The following TOM1L2 variants were observed in gnomAD, a reference collection of about 807,000 sequenced individuals.
TOM1L2 encodes the protein TOM1-like protein 2.
In TOM1L2, 31 loss-of-function variants were observed where a neutral mutation model predicts 67.9. That is an observed-to-expected ratio of 0.46 (90% CI 0.34 to 0.62). The LOEUF is 0.62. Ranked by LOEUF, TOM1L2 falls within the 20% of genes least tolerant of loss-of-function variation. The pLI, the probability that TOM1L2 is intolerant of heterozygous loss-of-function variation, is 0.01. For missense variants in TOM1L2, 606 were observed against 663.5 expected, an observed-to-expected ratio of 0.91 and a Z score of 0.95; for synonymous variants, 256 against 254.0, an observed-to-expected ratio of 1.01 and a Z score of -0.07.
chr17:17,849,236 C>T (rs1015507376), intron 13 of TOM1L2, among the ~76,000 whole-genome samples: 7 of 152,238 alleles, frequency 4.6e-5, no homozygotes, highest in African/African-American at 1.7e-4. Flanking sequence ...CCACAGGGGG[C>T]TGAGCCTGAG....
chr17:17,880,481 C>T lies in TOM1L2; in HGVS notation c.661-738G>A, dbSNP rs1460847601. ...CCTCAGTCCTGTGCCTCAGATCTGC[C>T]CCTTCACTCCCTCAACCCCCTCGAA... On this transcript the variant is annotated intron_variant, in intron 6 of 14. Coordinates refer to ENST00000379504, the MANE Select transcript of TOM1L2 (RefSeq NM_001082968.2). Among the ~76,000 whole-genome samples, 6 of 152,218 alleles carry T rather than the reference C, an allele frequency of 3.9e-5. No individual in the cohort carries two copies. In the East Asian group the frequency reaches 1.2e-3, roughly 29 times the overall value.
chr17:17,862,984 A>G, intron 10 of TOM1L2, 136 bp from the exon 11 acceptor site: 1 of 668,372 alleles, frequency 1.5e-6, no homozygotes, highest in South Asian at 1.8e-5. Context: ...TTTCCTTGGT[A>G]CTCCCAGTGC....
intron 1 of TOM1L2, among the ~76,000 whole-genome samples, chr17:17,932,631 G>C (rs1206835498): frequency 1.3e-5 from 2 of 152,104 alleles, no homozygotes; most frequent in Non-Finnish European, 2.9e-5. Context: ...CATGGGATGT[G>C]GTGGGGAATG....
At chr17:17,959,486 TAG>T (rs2041600446) in intron 1 of TOM1L2, among the ~76,000 whole-genome samples, 1 of 152,212 alleles carries the variant, frequency 6.6e-6, no homozygotes, top group Admixed American at 6.5e-5. Flanking sequence ...CCCTTTCAAC[TAG>T]AGTCTTCTGA....
intron 1 of TOM1L2, among the ~76,000 whole-genome samples, chr17:17,949,131 C>A (rs2041076441): frequency 6.6e-6 from 1 of 152,168 alleles, no homozygotes; most frequent in African/African-American, 2.4e-5. Context: ...TCATGCCATG[C>A]GTTTCTCACA....
chr17:17,910,411 TGCATTA>T (rs1206201095), intron 1 of TOM1L2, among the ~76,000 whole-genome samples: 2 of 152,140 alleles, frequency 1.3e-5, no homozygotes, highest in Non-Finnish European at 2.9e-5. Context: ...GATGAATGAC[TGCATTA>T]GCAACCCTTC....
chr17:17,865,891 C>T (rs1213844835), intron 10 of TOM1L2, among the ~76,000 whole-genome samples: 1 of 151,440 alleles, frequency 6.6e-6, no homozygotes, highest in Non-Finnish European at 1.5e-5. Flanking sequence ...ATTGCAGGTG[C>T]CCACCATGCG....
intron 7 of TOM1L2, among the ~76,000 whole-genome samples, chr17:17,879,304 G>C (rs550234891): frequency 6.6e-6 from 1 of 152,290 alleles, no homozygotes; most frequent in South Asian, 2.1e-4. Context: ...AGCACCTACA[G>C]TGGTTATTTA....
At chr17:17,891,079 C>T (rs2038247143) in intron 4 of TOM1L2, among the ~76,000 whole-genome samples, 1 of 152,214 alleles carries the variant, frequency 6.6e-6, no homozygotes, top group Non-Finnish European at 1.5e-5. Flanking sequence ...TATCTGAAGC[C>T]CATGCTTTTC....
intron 1 of TOM1L2, among the ~76,000 whole-genome samples, chr17:17,961,414 T>G (rs1473530975): frequency 6.7e-6 from 1 of 150,266 alleles, no homozygotes; most frequent in Admixed American, 6.6e-5. Flanking sequence ...AAAAAAATAA[T>G]TTTTTTTTTA....
At position 17,972,317 on chromosome 17, in the gene TOM1L2, G is replaced by C; in HGVS notation, c.-4C>G. The C allele has an allele frequency of 6.4e-7, 1 of 1,551,064 alleles. No individual in the cohort carries two copies. The highest frequency in any genetic ancestry group is 8.7e-7 in the Non-Finnish European group (1 of 1,147,894). ...GGTTCCCCAGGAGGAACTCCATCTT[G>C]GGTGGACAACACGCAGCGGCCCGGG... On this transcript the variant is annotated 5_prime_UTR_variant, in exon 1 of 15. Transcript: ENST00000379504.
At position 17,843,731 on chromosome 17, in the gene TOM1L2, C is replaced by T. The variant is rs1312596858; in HGVS notation, c.*3904G>A. On this transcript the variant is annotated 3_prime_UTR_variant, in exon 15 of 15. Coordinates refer to ENST00000379504, the MANE Select transcript of TOM1L2 (RefSeq NM_001082968.2). ...AGCAAACGCGACATTCAACACATTC[C>T]TCTTTTCAGTAGCCCCCAACAATCC... 6.6e-6 allele frequency: 1 copy of T among 152,478 alleles called. No homozygotes were observed. Among genetic ancestry groups the T allele is most frequent in the Non-Finnish European group, 1.5e-5 (1 of 68,044 alleles). 9.4% of individuals were successfully genotyped at this position (152,478 alleles called of 1,614,324 possible). A position where few individuals can be genotyped will look rare whatever the true frequency, so the allele number is the denominator to read the frequency against.
At chr17:17,861,691 T>A in intron 11 of TOM1L2, 140 bp from the exon 12 acceptor site, 2 of 724,876 alleles carry the variant, frequency 2.8e-6, no homozygotes, top group Non-Finnish European at 4.6e-6. Flanking sequence ...AACCTTGACA[T>A]TGAGCAGAGG....
intron 1 of TOM1L2, among the ~76,000 whole-genome samples, chr17:17,915,505 C>G (rs1395628224): frequency 6.6e-6 from 1 of 151,410 alleles, no homozygotes; most frequent in Non-Finnish European, 1.5e-5. Flanking sequence ...ATTTTTTTGG[C>G]CCCTCACCCC....
intron 8 of TOM1L2, among the ~76,000 whole-genome samples, chr17:17,868,711 G>C (rs892954564): frequency 7.9e-5 from 12 of 152,124 alleles, no homozygotes; most frequent in Non-Finnish European, 1.8e-4. Flanking sequence ...TGTCCTGAGG[G>C]AAGGCTTTGG....
At position 17,926,539 on chromosome 17, in the gene TOM1L2, AG is replaced by A. The variant is rs2040091533; in HGVS notation, c.53-19009del. 2.0e-5 allele frequency among the ~76,000 whole-genome samples: 3 copies of A among 152,218 alleles called. No individual in the cohort carries two copies. The South Asian group carries it at 6.2e-4, about 32-fold the overall frequency. ...AGAAAGGTCACGAATATCAACAGTGAGAACAAACAGGGAAGATTACATTTAA... is the reference window on the plus strand; with the variant it reads ...AGAAAGGTCACGAATATCAACAGTGAAACAAACAGGGAAGATTACATTTAA... On this transcript the variant is annotated intron_variant, in intron 1 of 14. Transcript: ENST00000379504.
chr17:17,875,225 C>T (rs868448366), intron 7 of TOM1L2, among the ~76,000 whole-genome samples: 13 of 150,674 alleles, frequency 8.6e-5, no homozygotes, highest in Middle Eastern at 3.4e-3. Context: ...CATTGCACTC[C>T]AGCCTGGGTG....
chr17:17,953,100 G>A (rs939254848), intron 1 of TOM1L2, among the ~76,000 whole-genome samples: 2 of 152,034 alleles, frequency 1.3e-5, no homozygotes, highest in African/African-American at 4.8e-5. Flanking sequence ...CCAACATGGC[G>A]AAACCCCATC....
intron 12 of TOM1L2, chr17:17,857,664 G>T: frequency 1.0e-6 from 1 of 997,546 alleles, no homozygotes; most frequent in Non-Finnish European, 1.5e-6. Context: ...GCCTTGTACT[G>T]TCTGATTCAC....
Sources: gnomAD v4.1 joint callset for allele counts (sites outside exome capture counted in the v4.1 genomes callset) on GRCh38, gnomAD v4.1.1 for gene constraint, MANE v1.5 for transcripts, NCBI Gene and HGNC (gene_info 2026-07-23, HGNC 2026-07-21) for gene names.